The following GCNT3 variants were observed in gnomAD, a reference collection of about 807,000 sequenced individuals.
The protein encoded by GCNT3 is beta-1,3-galactosyl-O-glycosyl-glycoprotein beta-1,6-N-acetylglucosaminyltransferase 3.
For missense variants in GCNT3, 708 were observed against 530.3 expected, an observed-to-expected ratio of 1.34 and a Z score of -3.29; for synonymous variants, 269 against 195.2, an observed-to-expected ratio of 1.38 and a Z score of -3.15.
At chr15:59,615,348 T>G (rs993783746) in intron 1 of GCNT3, 2 of 152,178 alleles carry the variant, frequency 1.3e-5, no homozygotes, top group Non-Finnish European at 2.9e-5. Flanking sequence ...CAGAGGGCCC[T>G]CCTGTGAGCT....
chr15:59,614,221 T>A (rs1394931731), intron 1 of GCNT3, among the ~76,000 whole-genome samples: 1 of 152,068 alleles, frequency 6.6e-6, no homozygotes, highest in African/African-American at 2.4e-5. Flanking sequence ...TCCCAGAGAT[T>A]TTATACTCAA....
rs1176450311 is a variant in GCNT3 at position 59,611,929 on chromosome 15, T to C, written c.-303T>C. 4.6e-5 allele frequency: 7 copies of C among 152,160 alleles called. No homozygotes were observed. Among genetic ancestry groups the C allele is most frequent in the African/African-American group, 7.2e-5 (3 of 41,426 alleles). The allele number at this position is 152,160 out of a possible 1,614,324, so 9.4% of individuals were successfully genotyped here. A position where few individuals can be genotyped will look rare whatever the true frequency, so the allele number is the denominator to read the frequency against. On this transcript the variant is annotated 5_prime_UTR_variant, in exon 1 of 3. It removes an upstream start codon present in the reference 5' UTR. Coordinates refer to ENST00000396065, the MANE Select transcript of GCNT3 (RefSeq NM_004751.3). ...GCTGAAGGGAAACAGATGAAGAACA[T>C]GACCTCAAGGAGCTTCCTGTCAATG...
Position 59,619,222 on chromosome 15 carries a change from A to T in GCNT3, c.984A>T (p.Pro328=), listed in dbSNP as rs4775190. The T allele has an allele frequency of 0.061, 98,712 of 1,614,024 alleles. 6,219 individuals are homozygous for T. Among genetic ancestry groups the T allele is most frequent in the East Asian group, 0.3 (13,281 of 44,870 alleles). Residue 328 remains proline, a synonymous_variant, in exon 3 of 3, where the codon CCA becomes CCT. Transcript: ENST00000396065. ...AATGGGTAAAAGACACTTATAGCCC[A>T]GATGAACACCTCTGGGCCACCCTTC... ...LIEWVKDTYS[P]DEHLWATLQR...
rs540192604 is a variant in GCNT3, at chr15:59,620,489, G to T, written c.*934G>T. On this transcript the variant is annotated 3_prime_UTR_variant, in exon 3 of 3. Transcript: ENST00000396065. ...CCTACAAATAGCAAATTCTAACGAAGACAGGGGAACAGGGATGGTTCTTCC... is the reference window on the plus strand; with the variant it reads ...CCTACAAATAGCAAATTCTAACGAATACAGGGGAACAGGGATGGTTCTTCC... The T allele has an allele frequency of 2.5e-4, 42 of 167,150 alleles. No individual in the cohort carries two copies. Among genetic ancestry groups the T allele is most frequent in the African/African-American group, 9.4e-4 (39 of 41,536 alleles). 10.4% of individuals were successfully genotyped at this position (167,150 alleles called of 1,614,324 possible).
chr15:59,617,259 C>G (rs1324604670), intron 2 of GCNT3, among the ~76,000 whole-genome samples: 4 of 146,432 alleles, frequency 2.7e-5, no homozygotes, highest in Non-Finnish European at 5.9e-5. Context: ...TATAAAAGAG[C>G]TATAATACTT....
chr15:59,612,629 G>A (rs2082701338), intron 1 of GCNT3, among the ~76,000 whole-genome samples: 1 of 152,126 alleles, frequency 6.6e-6, no homozygotes, highest in Non-Finnish European at 1.5e-5. Flanking sequence ...CAGGCAGTCT[G>A]GGACTGCGCC....
At chr15:59,617,170 C>CTTTTTTTTT (rs373439386) in intron 2 of GCNT3, among the ~76,000 whole-genome samples, 15 of 82,302 alleles carry the variant, frequency 1.8e-4, no homozygotes, top group East Asian at 3.5e-4. Flanking sequence ...CTTTTGTTTT[C>CTTTTTTTTT]TTTCTTTCTT....
Position 59,622,388 on chromosome 15 carries a change from C to A in GCNT3, c.*2833C>A, listed in dbSNP as rs1167789057. ...AATGGTCATTGTCACTACCAACTTG[C>A]CTGCATTGTAATAGAGTCCTATTCA... On this transcript the variant is annotated 3_prime_UTR_variant, in exon 3 of 3. Coordinates refer to ENST00000396065, the MANE Select transcript of GCNT3 (RefSeq NM_004751.3). 6.6e-6 allele frequency: 1 copy of A among 152,030 alleles called. No individual in the cohort carries two copies. The highest frequency in any genetic ancestry group is 1.5e-5 in the Non-Finnish European group (1 of 68,012). 9.4% of individuals were successfully genotyped at this position (152,030 alleles called of 1,614,324 possible). A position where few individuals can be genotyped will look rare whatever the true frequency, so the allele number is the denominator to read the frequency against.
intron 1 of GCNT3, 107 bp from the exon 2 acceptor site, chr15:59,616,583 CTT>C (rs1441872554): frequency 6.6e-6 from 1 of 152,202 alleles, no homozygotes; most frequent in Non-Finnish European, 1.5e-5. Context: ...CCCTGAATGA[CTT>C]GGGCTTGAGA....
In GCNT3 at chr15:59,619,296, A is replaced by G. The variant is rs1442378663; in HGVS notation, c.1058A>G (p.Asp353Gly). Residue 353 changes from aspartate (D) to glycine (G), a missense_variant, in exon 3 of 3, where the codon GAC becomes GGC. Physicochemically the swap from Asp to Gly is moderately conservative, Grantham distance 94. Transcript: ENST00000396065. Reference protein sequence around the residue: ...PGSVPNHPKYDISDMTSIARL... With the variant: ...PGSVPNHPKYGISDMTSIARL... Reference sequence around the variant, plus strand: ...TCTGTTCCCAACCACCCCAAGTACGACATCTCAGACATGACTTCTATTGCC... The same window carrying G: ...TCTGTTCCCAACCACCCCAAGTACGGCATCTCAGACATGACTTCTATTGCC... 1.5e-5 allele frequency: 25 copies of G among 1,614,110 alleles called. No individual in the cohort carries two copies. The highest frequency in any genetic ancestry group is 2.0e-5 in the Non-Finnish European group (24 of 1,180,020).
rs775777133 is a variant in GCNT3, at chr15:59,618,227, C to G, written c.-12C>G. On this transcript the variant is annotated 5_prime_UTR_variant, in exon 3 of 3. Coordinates refer to ENST00000396065, the MANE Select transcript of GCNT3 (RefSeq NM_004751.3). Reference sequence around the variant, plus strand: ...CTGTGCTCGGTCTCCACCTGTCTCCCATTCTGTGACGATGGTTCAATGGAA... The same window carrying G: ...CTGTGCTCGGTCTCCACCTGTCTCCGATTCTGTGACGATGGTTCAATGGAA... The G allele has an allele frequency of 3.4e-6, 5 of 1,482,880 alleles. No homozygotes were observed. Among genetic ancestry groups the G allele is most frequent in the Non-Finnish European group, 4.6e-6 (5 of 1,087,846 alleles). 91.9% of individuals were successfully genotyped at this position (1,482,880 alleles called of 1,614,324 possible). A position where few individuals can be genotyped will look rare whatever the true frequency, so the allele number is the denominator to read the frequency against.
At chr15:59,614,670 T>G (rs549274337) in intron 1 of GCNT3, among the ~76,000 whole-genome samples, 1 of 152,296 alleles carries the variant, frequency 6.6e-6, no homozygotes, top group Non-Finnish European at 1.5e-5. Context: ...TTTGGTGGGT[T>G]TTAGCTGGCT....
chr15:59,612,202 T>G (rs1389455229), intron 1 of GCNT3, among the ~76,000 whole-genome samples: 2 of 152,194 alleles, frequency 1.3e-5, no homozygotes, highest in African/African-American at 4.8e-5. Context: ...CTGGAACTCT[T>G]AGACCTTTCC....
chr15:59,611,993 C>T lies in GCNT3; in HGVS notation c.-251+12C>T, dbSNP rs2082698417. The T allele has an allele frequency of 1.3e-5, 2 of 152,178 alleles. No homozygotes were observed. The highest frequency in any genetic ancestry group is 4.8e-5 in the African/African-American group (2 of 41,444). 9.4% of individuals were successfully genotyped at this position (152,178 alleles called of 1,614,324 possible). A position where few individuals can be genotyped will look rare whatever the true frequency, so the allele number is the denominator to read the frequency against. On this transcript the variant is annotated intron_variant, in intron 1 of 2. Transcript: ENST00000396065. ...GACGCCTGGCAAAGGTAAATGCCAC[C>T]ATAACAAATTAAGTAAAAGTGTGCA... is the stretch of plus-strand genomic sequence containing the variant.
chr15:59,618,102 TGCCATCAG>T, intron 2 of GCNT3, 69 bp from the exon 3 acceptor site: 1 of 587,040 alleles, frequency 1.7e-6, no homozygotes, highest in Non-Finnish European at 3.0e-6. Flanking sequence ...AAATATTTTT[TGCCATCAG>T]TTTGGAATTG....
At position 59,621,696 on chromosome 15, in the gene GCNT3, A is replaced by G. The variant is rs1205575952; in HGVS notation, c.*2141A>G. On this transcript the variant is annotated 3_prime_UTR_variant, in exon 3 of 3. Transcript: ENST00000396065. ...TTACAACCTCCGCCTCCTGGGTCCA[A>G]GCGATTCTCCTGCCTCAGCCTCCTG... 5 of 140,866 alleles carry G rather than the reference A, an allele frequency of 3.5e-5. No homozygotes were observed. Among genetic ancestry groups the G allele is most frequent in the Non-Finnish European group, 6.1e-5 (4 of 65,982 alleles). The allele number at this position is 140,866 out of a possible 1,614,324, so 8.7% of individuals were successfully genotyped here. A position where few individuals can be genotyped will look rare whatever the true frequency, so the allele number is the denominator to read the frequency against.
rs763848430 is a variant in GCNT3, at chr15:59,619,595, A to T, written c.*40A>T. The T allele has an allele frequency of 1.6e-6, 2 of 1,266,862 alleles. No homozygotes were observed. The highest frequency in any genetic ancestry group is 1.1e-6 in the Non-Finnish European group (1 of 888,282). The allele number at this position is 1,266,862 out of a possible 1,614,324, so 78.5% of individuals were successfully genotyped here. A position where few individuals can be genotyped will look rare whatever the true frequency, so the allele number is the denominator to read the frequency against. On this transcript the variant is annotated 3_prime_UTR_variant, in exon 3 of 3. Coordinates refer to ENST00000396065, the MANE Select transcript of GCNT3 (RefSeq NM_004751.3). ...GCGTTGCTACCTGTGGGGCAAGAGC[A>T]TGTACAAACATGCTCAGAACTTGCT...
chr15:59,619,335 G>A lies in GCNT3; in HGVS notation c.1097G>A (p.Trp366Ter). The A allele has an allele frequency of 6.2e-7, 1 of 1,614,056 alleles. No individual in the cohort carries two copies. The highest frequency in any genetic ancestry group is 8.5e-7 in the Non-Finnish European group (1 of 1,180,004). ...ACTTCTATTGCCAGGCTGGTCAAGTGGCAGGGTCATGAGGGAGACATCGAT... is the reference window on the plus strand; with the variant it reads ...ACTTCTATTGCCAGGCTGGTCAAGTAGCAGGGTCATGAGGGAGACATCGAT... ...DMTSIARLVK[W>*]QGHEGDIDKG... The change falls in exon 3 of 3, where the codon TGG (tryptophan) becomes TAG (stop). Residue 366 changes from tryptophan (W) to a stop codon, truncating the protein, a stop_gained. Transcript: ENST00000396065. LOFTEE classifies it low-confidence loss of function (END_TRUNC).
chr15:59,619,212 C>G lies in GCNT3; in HGVS notation c.974C>G (p.Thr325Ser). 2 of 1,614,052 alleles carry G rather than the reference C, an allele frequency of 1.2e-6. No individual in the cohort carries two copies. The highest frequency in any genetic ancestry group is 1.7e-6 in the Non-Finnish European group (2 of 1,179,984). ...CAACTGATTGAATGGGTAAAAGACACTTATAGCCCAGATGAACACCTCTGG... is the reference window on the plus strand; with the variant it reads ...CAACTGATTGAATGGGTAAAAGACAGTTATAGCCCAGATGAACACCTCTGG... ...SQQLIEWVKD[T>S]YSPDEHLWAT... The change falls in exon 3 of 3, where the codon ACT becomes AGT. Residue 325 changes from threonine (T) to serine (S), a missense_variant. Transcript: ENST00000396065.
Sources: gnomAD v4.1 joint callset for allele counts (sites outside exome capture counted in the v4.1 genomes callset) on GRCh38, gnomAD v4.1.1 for gene constraint, MANE v1.5 for transcripts, NCBI Gene and HGNC (gene_info 2026-07-23, HGNC 2026-07-21) for gene names.